The following CFAP77 variants were observed in gnomAD, a reference collection of about 807,000 sequenced individuals.
CFAP77 encodes cilia- and flagella-associated protein 77.
Under a neutral mutation model 31.1 loss-of-function variants are expected in CFAP77, and 25 were observed. The observed-to-expected ratio is 0.80, with a 90% CI of 0.59 to 1.12. The LOEUF is 1.12. CFAP77 is among the 50% of genes most tolerant of loss of function. CFAP77 has a pLI of 0.00. For synonymous variants in CFAP77, 151 were observed against 159.9 expected (o/e 0.94, Z 0.42); for missense variants, 377 against 397.3 (o/e 0.95, Z 0.44).
chr9:132,427,178 C>G (rs568280949), intron 1 of CFAP77, among the ~76,000 whole-genome samples: 1 of 152,326 alleles, frequency 6.6e-6, no homozygotes, highest in Admixed American at 6.5e-5. Context: ...CCCCAGAGCA[C>G]GAGAAGCCCC....
chr9:132,556,472 C>T (rs1017273908), intron 5 of CFAP77, among the ~76,000 whole-genome samples: 2 of 152,182 alleles, frequency 1.3e-5, no homozygotes, highest in Admixed American at 6.5e-5. Flanking sequence ...CCATTGAAAG[C>T]GGCCTCACTG....
chr9:132,428,000 CT>C (rs796779511), intron 1 of CFAP77, among the ~76,000 whole-genome samples: 236 of 142,806 alleles, frequency 1.7e-3, no homozygotes, highest in Admixed American at 3.9e-3. Context: ...TAGATTCTTT[CT>C]TTTTTTTTTT....
At chr9:132,472,798 G>A (rs1359988010) in intron 1 of CFAP77, among the ~76,000 whole-genome samples, 1 of 152,012 alleles carries the variant, frequency 6.6e-6, no homozygotes, top group Non-Finnish European at 1.5e-5. Flanking sequence ...AAAAACAATG[G>A]CTCGGATTAA....
In CFAP77 at chr9:132,490,307, A is replaced by G. The variant is rs1284319590; in HGVS notation, c.196-8388A>G. ...GAGGCGATAAAAACATTCAGACCAT[A>G]GCACCATGGAAAAGCAGGTGACCGT... On this transcript the variant is annotated intron_variant, in intron 1 of 5. Coordinates refer to ENST00000393216, the MANE Select transcript of CFAP77 (RefSeq NM_001282957.2). The surrounding 1 kb of genome is among the most constrained non-coding windows in gnomAD (Gnocchi z 4.6). Among the ~76,000 whole-genome samples, 1 of 152,190 alleles carries G rather than the reference A, an allele frequency of 6.6e-6. No individual in the cohort carries two copies. The highest frequency in any genetic ancestry group is 2.4e-5 in the African/African-American group (1 of 41,430).
intron 3 of CFAP77, among the ~76,000 whole-genome samples, chr9:132,533,292 C>A (rs1342034164): frequency 6.6e-6 from 1 of 152,162 alleles, no homozygotes; most frequent in Non-Finnish European, 1.5e-5. Context: ...TGGTTCCCAT[C>A]GATGTTTCCC....
Position 132,441,696 on chromosome 9 carries a change from G to A in CFAP77, c.195+31230G>A, listed in dbSNP as rs547196964. On this transcript the variant is annotated intron_variant, in intron 1 of 5. Coordinates refer to ENST00000393216, the MANE Select transcript of CFAP77 (RefSeq NM_001282957.2). ...AAGTGCTTAGGCTGCCTCGGTGCGC[G>A]GAGGCAGAGTGAGCAGTGAGTTCTG... Among the ~76,000 whole-genome samples the A allele has an allele frequency of 5.3e-5, 8 of 152,296 alleles. No homozygotes were observed. In the East Asian group the frequency reaches 7.7e-4, roughly 15 times the overall value.
intron 1 of CFAP77, among the ~76,000 whole-genome samples, chr9:132,426,238 T>C (rs757149475): frequency 5.9e-5 from 9 of 152,216 alleles, no homozygotes; most frequent in African/African-American, 9.7e-5. Flanking sequence ...GCAAGGCAAA[T>C]TTTTCATACC....
rs140530736 is a variant in CFAP77, at chr9:132,433,842, C to T, written c.195+23376C>T. Among the ~76,000 whole-genome samples, 1,199 of 152,210 alleles carry T rather than the reference C, an allele frequency of 7.9e-3. 27 individuals carry two copies. Among genetic ancestry groups the T allele is most frequent in the African/African-American group, 0.027 (1,139 of 41,522 alleles). On this transcript the variant is annotated intron_variant, in intron 1 of 5. Transcript: ENST00000393216. ...TGATTACAGGTGTGAGCCACCTCTA[C>T]CAACCTATTTATTCATCTTTTAAAA...
At chr9:132,432,916 A>T (rs902608278) in intron 1 of CFAP77, among the ~76,000 whole-genome samples, 7 of 151,942 alleles carry the variant, frequency 4.6e-5, no homozygotes, top group Non-Finnish European at 7.4e-5. Flanking sequence ...GGGTTTCGCC[A>T]TGTTAGCCAG....
At chr9:132,544,885 G>C (rs1195338581) in intron 5 of CFAP77, among the ~76,000 whole-genome samples, 1 of 152,102 alleles carries the variant, frequency 6.6e-6, no homozygotes, top group Non-Finnish European at 1.5e-5. Context: ...CACTGGCATG[G>C]GCTGCCCTCT....
chr9:132,546,621 C>G (rs1852736005), intron 5 of CFAP77, among the ~76,000 whole-genome samples: 1 of 152,260 alleles, frequency 6.6e-6, no homozygotes, highest in Admixed American at 6.5e-5. Flanking sequence ...CGCTGGATGA[C>G]CCGGGCCACT....
intron 1 of CFAP77, among the ~76,000 whole-genome samples, chr9:132,463,173 C>T (rs1487866696): frequency 6.6e-6 from 1 of 152,180 alleles, no homozygotes; most frequent in African/African-American, 2.4e-5. Context: ...GATGACGTCG[C>T]AAGTCAGCCA....
chr9:132,426,830 A>G (rs1001799359), intron 1 of CFAP77, among the ~76,000 whole-genome samples: 15 of 152,214 alleles, frequency 9.9e-5, no homozygotes, highest in South Asian at 2.1e-4. Flanking sequence ...TGGGGAAATT[A>G]AAACTCCATT....
At chr9:132,413,470 C>G (rs745332009) in intron 1 of CFAP77, among the ~76,000 whole-genome samples, 5 of 152,158 alleles carry the variant, frequency 3.3e-5, no homozygotes, top group African/African-American at 4.8e-5. Context: ...CTAGTATAGA[C>G]AGTGATGTGC....
intron 5 of CFAP77, among the ~76,000 whole-genome samples, chr9:132,543,264 G>T (rs935692676): frequency 2.6e-5 from 4 of 152,260 alleles, no homozygotes; most frequent in African/African-American, 7.2e-5. Context: ...GGGGGCAGCT[G>T]CTGCTACCAG....
chr9:132,547,173 A>G lies in CFAP77; in HGVS notation c.732+4126A>G, dbSNP rs1356239610. Among the ~76,000 whole-genome samples the G allele has an allele frequency of 2.0e-5, 3 of 152,340 alleles. No homozygotes were observed. The East Asian group carries it at 5.8e-4, about 29-fold the overall frequency. On this transcript the variant is annotated intron_variant, in intron 5 of 5. Coordinates refer to ENST00000393216, the MANE Select transcript of CFAP77 (RefSeq NM_001282957.2). ...GCCGGGTGTTCTAGGTCTCCAGGGCAGACAGCAAGGCCAGCAAGGAGTAAT... is the reference window on the plus strand; with the variant it reads ...GCCGGGTGTTCTAGGTCTCCAGGGCGGACAGCAAGGCCAGCAAGGAGTAAT...
intron 1 of CFAP77, among the ~76,000 whole-genome samples, chr9:132,476,241 C>G (rs192170659): frequency 6.6e-6 from 1 of 152,222 alleles, no homozygotes; most frequent in Admixed American, 6.5e-5. Flanking sequence ...CTTCCAGGAA[C>G]ACCCTCAAGA....
At chr9:132,429,521 G>C (rs1372162021) in intron 1 of CFAP77, among the ~76,000 whole-genome samples, 7 of 107,530 alleles carry the variant, frequency 6.5e-5, no homozygotes, top group Non-Finnish European at 8.5e-5. Context: ...CCAGGTGACA[G>C]AACGAGACTT....
intron 5 of CFAP77, among the ~76,000 whole-genome samples, chr9:132,556,273 C>A (rs993672627): frequency 1.3e-5 from 2 of 152,150 alleles, no homozygotes; most frequent in Non-Finnish European, 2.9e-5. Context: ...AGAAAAAGTC[C>A]TCCTCCCCAC....
Sources: gnomAD v4.1 joint callset for allele counts (sites outside exome capture counted in the v4.1 genomes callset) on GRCh38, gnomAD v4.1.1 for gene constraint, Gnocchi (gnomAD v3.1) non-coding constraint, MANE v1.5 for transcripts, NCBI Gene and HGNC (gene_info 2026-07-23, HGNC 2026-07-21) for gene names.